PRKCE: variants seen among roughly 807,000 people sequenced by gnomAD.
The protein encoded by PRKCE is protein kinase C epsilon.
A neutral mutation model predicts 85.4 loss-of-function variants in PRKCE; 16 were observed. The observed-to-expected ratio is 0.19, with a 90% CI of 0.13 to 0.28. The LOEUF is 0.28. Among genes scored for constraint, PRKCE ranks in the 10% least tolerant of loss-of-function variants. The pLI, the probability that PRKCE is intolerant of heterozygous loss-of-function variation, is 1.00. For missense variants in PRKCE, 573 were observed against 975.2 expected (o/e 0.59, Z 5.49); for synonymous variants, 388 against 371.5 (o/e 1.04, Z -0.51).
At chr2:45,806,759 A>C (rs1044557016) in intron 1 of PRKCE, among the ~76,000 whole-genome samples, 1 of 152,142 alleles carries the variant, frequency 6.6e-6, no homozygotes, top group Non-Finnish European at 1.5e-5. Context: ...ATGAGTACAG[A>C]TGAGGGAGGA....
intron 5 of PRKCE, 27 bp from the exon 6 acceptor site, chr2:45,984,524 T>G (rs1322171330): frequency 1.3e-6 from 2 of 1,598,054 alleles, no homozygotes; most frequent in South Asian, 2.2e-5. Flanking sequence ...AGCTCGGTGG[T>G]GAACCTGTAT....
At chr2:45,807,791 A>G (rs1478407935) in intron 1 of PRKCE, among the ~76,000 whole-genome samples, 1 of 151,918 alleles carries the variant, frequency 6.6e-6, no homozygotes, top group Non-Finnish European at 1.5e-5. Context: ...GAGCCCAGCA[A>G]TCTCTGCTTT....
At chr2:45,843,831 C>T (rs893576236) in intron 2 of PRKCE, among the ~76,000 whole-genome samples, 2 of 152,258 alleles carry the variant, frequency 1.3e-5, no homozygotes, top group African/African-American at 4.8e-5. Flanking sequence ...TCTCCTACTC[C>T]TCCATCTGTG....
At chr2:46,049,716 C>T (rs1488422419) in intron 10 of PRKCE, among the ~76,000 whole-genome samples, 1 of 152,184 alleles carries the variant, frequency 6.6e-6, no homozygotes, top group Non-Finnish European at 1.5e-5. Context: ...CTCGTAAATC[C>T]CACCTCTTCT....
intron 11 of PRKCE, among the ~76,000 whole-genome samples, chr2:46,137,801 A>G (rs1675144109): frequency 2.0e-5 from 3 of 151,818 alleles, no homozygotes; most frequent in African/African-American, 7.3e-5. Flanking sequence ...TAGAAGTAGA[A>G]TTTGACCTAC....
intron 11 of PRKCE, among the ~76,000 whole-genome samples, chr2:46,101,066 C>A (rs1302312436): frequency 1.3e-5 from 2 of 152,096 alleles, no homozygotes; most frequent in Non-Finnish European, 2.9e-5. Flanking sequence ...AATGGGGTTT[C>A]ACTATGTTTG....
intron 1 of PRKCE, among the ~76,000 whole-genome samples, chr2:45,834,761 G>C (rs1383790781): frequency 1.3e-5 from 2 of 151,984 alleles, no homozygotes; most frequent in Non-Finnish European, 2.9e-5. Context: ...GTCTTTTTTA[G>C]GACTCGCATG....
At chr2:46,069,718 TG>T in intron 10 of PRKCE, among the ~76,000 whole-genome samples, 1 of 152,336 alleles carries the variant, frequency 6.6e-6, no homozygotes, top group African/African-American at 2.4e-5. Flanking sequence ...TTTAAAGTCT[TG>T]GTAAAAAGAT....
intron 2 of PRKCE, among the ~76,000 whole-genome samples, chr2:45,941,466 T>C (rs1699874462): frequency 6.6e-6 from 1 of 152,178 alleles, no homozygotes; most frequent in Non-Finnish European, 1.5e-5. Flanking sequence ...CATACAGACC[T>C]ACATCAAACC....
intron 1 of PRKCE, among the ~76,000 whole-genome samples, chr2:45,778,013 A>G (rs999084948): frequency 2.6e-5 from 4 of 151,940 alleles, no homozygotes; most frequent in Non-Finnish European, 4.4e-5. Context: ...CTGTGCAGAG[A>G]AAACCCAGAG....
intron 10 of PRKCE, among the ~76,000 whole-genome samples, chr2:46,049,167 C>T (rs548082072): frequency 3.7e-4 from 56 of 152,234 alleles, no homozygotes; most frequent in African/African-American, 1.3e-3. Context: ...GCAAGATTGT[C>T]CGGGCCCATT....
chr2:46,002,213 T>G (rs992029806), intron 7 of PRKCE, among the ~76,000 whole-genome samples: 1 of 152,244 alleles, frequency 6.6e-6, no homozygotes, highest in Non-Finnish European at 1.5e-5. Flanking sequence ...AGGCTCTTCT[T>G]TAGCCCTGGC....
chr2:45,803,770 T>C (rs1573420379), intron 1 of PRKCE, among the ~76,000 whole-genome samples: 1 of 152,308 alleles, frequency 6.6e-6, no homozygotes, highest in East Asian at 1.9e-4. Context: ...TCTGAAATGT[T>C]TTAATAACAG....
intron 2 of PRKCE, among the ~76,000 whole-genome samples, chr2:45,916,714 C>A (rs867821633): frequency 2.0e-5 from 3 of 152,102 alleles, no homozygotes; most frequent in Admixed American, 6.6e-5. Flanking sequence ...CAATAAAGCC[C>A]GATTACAGAG....
intron 1 of PRKCE, among the ~76,000 whole-genome samples, chr2:45,818,988 G>A (rs962936148): frequency 6.6e-6 from 1 of 152,174 alleles, no homozygotes; most frequent in African/African-American, 2.4e-5. Flanking sequence ...AAAGGAGGTA[G>A]GGAGGAAAAA....
intron 10 of PRKCE, among the ~76,000 whole-genome samples, chr2:46,085,562 C>CCTGGATATCTTCTAGAGGAGGAT (rs1669521677): frequency 6.8e-6 from 1 of 147,290 alleles, no homozygotes; most frequent in African/African-American, 2.5e-5. Flanking sequence ...TGGCTTGTGA[C>CCTGGATATCTTCTAGAGGAGGAT]TGTTTCACTC....
chr2:45,659,887 G>C (rs982532424), intron 1 of PRKCE, among the ~76,000 whole-genome samples: 1 of 143,028 alleles, frequency 7.0e-6, no homozygotes, highest in Non-Finnish European at 1.5e-5. Context: ...ACGCTATTTA[G>C]TTTTCTTATT....
At chr2:45,756,407 A>G (rs978692059) in intron 1 of PRKCE, among the ~76,000 whole-genome samples, 6 of 152,252 alleles carry the variant, frequency 3.9e-5, no homozygotes, top group Admixed American at 2.6e-4. Flanking sequence ...GTTTGATCGT[A>G]TAGTCTCTCT....
In PRKCE at chr2:46,166,295, A is replaced by G. The variant is rs149849112; in HGVS notation, c.2067+6543A>G. Among the ~76,000 whole-genome samples the G allele has an allele frequency of 7.2e-5, 11 of 152,370 alleles. No homozygotes were observed. The East Asian group carries it at 2.1e-3, about 29-fold the overall frequency. ...TGGGTTGTGATGATGGAGGCCAGTC[A>G]TGACACCATCCTCATCCTCTGTTCT... On this transcript the variant is annotated intron_variant, in intron 14 of 14. Coordinates refer to ENST00000306156, the MANE Select transcript of PRKCE (RefSeq NM_005400.3).
Sources: gnomAD v4.1 joint callset for allele counts (sites outside exome capture counted in the v4.1 genomes callset) on GRCh38, gnomAD v4.1.1 for gene constraint, MANE v1.5 for transcripts, NCBI Gene and HGNC (gene_info 2026-07-23, HGNC 2026-07-21) for gene names.